TENM2: variants seen among roughly 807,000 people sequenced by gnomAD.
The protein encoded by TENM2 is teneurin transmembrane protein 2, also known as teneurin-2.
Under a neutral mutation model 245.2 loss-of-function variants are expected in TENM2, and 52 were observed. That is an observed-to-expected ratio of 0.21 (90% CI 0.17 to 0.27). TENM2 has a LOEUF of 0.27. TENM2 is among the 10% of genes least tolerant of loss of function. TENM2 has a pLI of 1.00. For missense variants in TENM2, 3,046 were observed against 3,666.8 expected (o/e 0.83, Z 4.37); for synonymous variants, 1,363 against 1,438.9 (o/e 0.95, Z 1.19).
chr5:167,682,383 G>C (rs2150379928), intron 2 of TENM2, among the ~76,000 whole-genome samples: 1 of 151,860 alleles, frequency 6.6e-6, no homozygotes, highest in South Asian at 2.1e-4. Flanking sequence ...GGCTAGTCTT[G>C]AACTCCTGAC....
At chr5:168,066,492 C>A (rs1216320940) in intron 7 of TENM2, among the ~76,000 whole-genome samples, 1 of 152,074 alleles carries the variant, frequency 6.6e-6, no homozygotes, top group Non-Finnish European at 1.5e-5. Flanking sequence ...ATTTATATTC[C>A]CAAATTGTCC....
At chr5:167,561,561 G>A (rs1202562937) in intron 2 of TENM2, among the ~76,000 whole-genome samples, 1 of 152,190 alleles carries the variant, frequency 6.6e-6, no homozygotes, top group East Asian at 1.9e-4. Flanking sequence ...CTGGTAGAAA[G>A]ATCAAGATGA....
At chr5:167,982,946 T>C (rs1020986275) in intron 4 of TENM2, among the ~76,000 whole-genome samples, 20 of 152,292 alleles carry the variant, frequency 1.3e-4, no homozygotes, top group African/African-American at 4.3e-4. Flanking sequence ...TCCTTGGCTG[T>C]GTCTGAGGGT....
At chr5:167,164,389 A>G in the TENM2 span, among the ~76,000 whole-genome samples, 3 of 152,230 alleles carry the variant, frequency 2.0e-5, no homozygotes, top group Middle Eastern at 3.2e-3. Flanking sequence ...GCAGCCATGT[A>G]TGGAATTTTA....
At chr5:167,355,522 C>T (rs1759254807) in intron 1 of TENM2, among the ~76,000 whole-genome samples, 1 of 152,176 alleles carries the variant, frequency 6.6e-6, no homozygotes, top group African/African-American at 2.4e-5. Flanking sequence ...ATTAATGAGG[C>T]TCCTAACCCC....
At chr5:167,335,806 T>A (rs1383542170) in intron 1 of TENM2, among the ~76,000 whole-genome samples, 3 of 152,182 alleles carry the variant, frequency 2.0e-5, no homozygotes, top group African/African-American at 7.2e-5. Flanking sequence ...TGTTTATTAA[T>A]CATGAGGGCT....
At chr5:167,167,170 T>G in the TENM2 span, among the ~76,000 whole-genome samples, 5 of 152,182 alleles carry the variant, frequency 3.3e-5, no homozygotes, top group Non-Finnish European at 7.3e-5. Context: ...AGCCATAGTT[T>G]TTTATTGGAT....
chr5:168,194,301 C>T (rs1761198708), intron 14 of TENM2, among the ~76,000 whole-genome samples: 1 of 152,178 alleles, frequency 6.6e-6, no homozygotes, highest in South Asian at 2.1e-4. Context: ...GAGGCATGCA[C>T]ATTCTCCCTC....
At chr5:168,147,282 C>A (rs1362159264) in intron 12 of TENM2, among the ~76,000 whole-genome samples, 1 of 152,224 alleles carries the variant, frequency 6.6e-6, no homozygotes. Context: ...CACCAGAGAA[C>A]TGAGTTATAG....
intron 2 of TENM2, among the ~76,000 whole-genome samples, chr5:167,672,912 C>CA (rs35274077): frequency 0.027 from 2,950 of 110,798 alleles, 56 homozygotes; most frequent in African/African-American, 0.048. Flanking sequence ...TCAGGCAAAG[C>CA]AAAAAAAAAA....
intron 2 of TENM2, among the ~76,000 whole-genome samples, chr5:167,383,023 G>A (rs761813655): frequency 1.6e-4 from 24 of 151,948 alleles, no homozygotes; most frequent in Non-Finnish European, 2.9e-4. Context: ...TGGGGTGGGG[G>A]GACTTATTTC....
chr5:167,807,487 A>G (rs554789465), intron 2 of TENM2, among the ~76,000 whole-genome samples: 26 of 152,158 alleles, frequency 1.7e-4, no homozygotes, highest in Admixed American at 1.1e-3. Context: ...ATGAGAAGAC[A>G]CTAGTCTATG....
chr5:167,499,941 G>GGT (rs775336382), intron 2 of TENM2, among the ~76,000 whole-genome samples: 26 of 117,048 alleles, frequency 2.2e-4, no homozygotes, highest in East Asian at 2.1e-3. Context: ...TGTATGTGAG[G>GGT]GTGTGTGTGT....
At chr5:167,747,886 C>T (rs1013948242) in intron 2 of TENM2, among the ~76,000 whole-genome samples, 1 of 150,940 alleles carries the variant, frequency 6.6e-6, no homozygotes, top group Non-Finnish European at 1.5e-5. Context: ...CATTTCAAGT[C>T]CCTCTCTCTC....
chr5:167,875,301 G>A (rs1175531714), intron 2 of TENM2, among the ~76,000 whole-genome samples: 1 of 151,884 alleles, frequency 6.6e-6, no homozygotes, highest in Non-Finnish European at 1.5e-5. Flanking sequence ...GGAGGGGACA[G>A]GAAGTGTGAA....
chr5:167,139,350 G>C, the TENM2 span, among the ~76,000 whole-genome samples: 4 of 152,194 alleles, frequency 2.6e-5, no homozygotes, highest in African/African-American at 9.6e-5. Flanking sequence ...AGTTGTTTTG[G>C]AAAGAAAGGT....
intron 4 of TENM2, among the ~76,000 whole-genome samples, chr5:167,975,124 G>T (rs1344317750): frequency 1.3e-5 from 2 of 152,190 alleles, no homozygotes; most frequent in Non-Finnish European, 2.9e-5. Flanking sequence ...TCCCTGTCAG[G>T]CAAATTTCAA....
intron 2 of TENM2, among the ~76,000 whole-genome samples, chr5:167,678,132 A>T (rs1299850734): frequency 6.6e-6 from 1 of 152,164 alleles, no homozygotes; most frequent in Admixed American, 6.6e-5. Context: ...TGCAGAAAAG[A>T]TTAAAAATAT....
At chr5:167,100,467 C>T in the TENM2 span, among the ~76,000 whole-genome samples, 1 of 152,292 alleles carries the variant, frequency 6.6e-6, no homozygotes, top group Non-Finnish European at 1.5e-5. Context: ...CCTCCCTCTC[C>T]ATTGTTATTG....
Sources: gnomAD v4.1 joint callset for allele counts (sites outside exome capture counted in the v4.1 genomes callset) on GRCh38, gnomAD v4.1.1 for gene constraint, MANE v1.5 for transcripts, NCBI Gene and HGNC (gene_info 2026-07-23, HGNC 2026-07-21) for gene names.